CEP72: variants seen among roughly 807,000 people sequenced by gnomAD.
CEP72 encodes the protein centrosomal protein 72, also known as centrosomal protein of 72 kDa.
A neutral mutation model predicts 65.7 loss-of-function variants in CEP72; 78 were observed. The observed-to-expected ratio is 1.19, with a 90% confidence interval of 0.99 to 1.43. The LOEUF is 1.43. CEP72 is among the 40% of genes most tolerant of loss of function. The pLI is 0.00. For missense variants in CEP72, 914 were observed against 832.9 expected (o/e 1.10, Z -1.20); for synonymous variants, 358 against 351.7 (o/e 1.02, Z -0.20).
chr5:642,872 C>T (rs1042033172), intron 9 of CEP72: 22 of 985,366 alleles, frequency 2.2e-5, no homozygotes, highest in Middle Eastern at 5.2e-4. Flanking sequence ...CACGTGAGGA[C>T]GCTCATCCCT....
chr5:614,410 G>C (rs1735863004), intron 1 of CEP72, among the ~76,000 whole-genome samples: 1 of 149,250 alleles, frequency 6.7e-6, no homozygotes, highest in Admixed American at 6.7e-5. Context: ...CGTATTTTAA[G>C]AATTTCCCTC....
At chr5:635,663 C>T in intron 6 of CEP72, 79 bp downstream of exon 6, 1 of 1,180,744 alleles carries the variant, frequency 8.5e-7, no homozygotes, top group Non-Finnish European at 1.2e-6. Flanking sequence ...AGAACAGAAG[C>T]TTATGTGGCT....
chr5:643,912 AG>A (rs1738234452), intron 9 of CEP72, among the ~76,000 whole-genome samples: 1 of 152,244 alleles, frequency 6.6e-6, no homozygotes, highest in Admixed American at 6.5e-5. Flanking sequence ...ACTGGCACCA[AG>A]GCCTGGGGCT....
At chr5:626,160 T>C (rs1415695534) in intron 4 of CEP72, among the ~76,000 whole-genome samples, 1 of 152,220 alleles carries the variant, frequency 6.6e-6, no homozygotes, top group African/African-American at 2.4e-5. Flanking sequence ...ATTTTTTACA[T>C]AGAAAATCAT....
At chr5:666,222 AG>A in intron 4 of CEP72, 1 of 1,407,426 alleles carries the variant, frequency 7.1e-7, no homozygotes, top group African/African-American at 1.4e-5. Flanking sequence ...ATGGCCCAGC[AG>A]CCCACAGGCT....
intron 11 of CEP72, among the ~76,000 whole-genome samples, chr5:648,583 T>G (rs1738607860): frequency 7.2e-6 from 1 of 138,716 alleles, no homozygotes; most frequent in Admixed American, 7.2e-5. Context: ...GGTGTGACTG[T>G]GAGGTGTGAC....
intron 4 of CEP72, 110 bp from the exon 5 acceptor site, chr5:633,659 G>A: frequency 9.5e-7 from 1 of 1,051,382 alleles, no homozygotes; most frequent in Non-Finnish European, 1.4e-6. Flanking sequence ...CACGTTTGCA[G>A]CACGCTGCTT....
chr5:653,189 C>T lies in CEP72; in HGVS notation c.*36C>T, dbSNP rs1739226197. The T allele has an allele frequency of 6.5e-7, 1 of 1,545,706 alleles. No individual in the cohort carries two copies. Among genetic ancestry groups the T allele is most frequent in the Non-Finnish European group, 8.7e-7 (1 of 1,150,802 alleles). On this transcript the variant is annotated 3_prime_UTR_variant, in exon 12 of 12. Coordinates refer to ENST00000264935, the MANE Select transcript of CEP72 (RefSeq NM_018140.4). ...GAAGCTGGGCCACCCCTTAAGCTTC[C>T]TGGTAAAGTTACATTGTCTGCACCT...
chr5:642,576 G>C (rs1738129530), intron 9 of CEP72: 2 of 985,382 alleles, frequency 2.0e-6, no homozygotes, highest in African/African-American at 3.5e-5. Context: ...GCTGCCAGGG[G>C]TGAGAGTCAC....
At chr5:625,016 T>C (rs988331145) in intron 4 of CEP72, among the ~76,000 whole-genome samples, 1 of 152,156 alleles carries the variant, frequency 6.6e-6, no homozygotes, top group Non-Finnish European at 1.5e-5. Context: ...TCCCCCACCC[T>C]TTCTGTGACG....
intron 11 of CEP72, among the ~76,000 whole-genome samples, chr5:652,472 G>A (rs997573843): frequency 3.3e-5 from 5 of 152,190 alleles, no homozygotes; most frequent in African/African-American, 9.7e-5. Context: ...ATTTGGAGGT[G>A]ACAAAGTGGG....
At chr5:637,238 G>A (rs1394282505) in intron 6 of CEP72, among the ~76,000 whole-genome samples, 3 of 152,230 alleles carry the variant, frequency 2.0e-5, no homozygotes, top group Non-Finnish European at 4.4e-5. Flanking sequence ...TGGGCGGTCC[G>A]TGTCTGCTTC....
chr5:661,009 T>G (rs1278899513), downstream of CEP72: 2 of 152,272 alleles, frequency 1.3e-5, no homozygotes, highest in African/African-American at 4.8e-5. Context: ...ATTTTAAACA[T>G]ATAATTTGAA....
At chr5:673,249 G>T in the CEP72 span, among the ~76,000 whole-genome samples, 1 of 152,206 alleles carries the variant, frequency 6.6e-6, no homozygotes, top group Non-Finnish European at 1.5e-5. Flanking sequence ...TGGTGGCCCT[G>T]CTCCTCTCTC....
chr5:644,389 G>A lies in CEP72; in HGVS notation c.1630G>A (p.Ala544Thr), dbSNP rs1433088479. 5 of 1,613,814 alleles carry A rather than the reference G, an allele frequency of 3.1e-6. No homozygotes were observed. The highest frequency in any genetic ancestry group is 4.2e-6 in the Non-Finnish European group (5 of 1,179,954). ...GAGTATGAAAAAGGAAGTGAAGAGTGCAGACACTGCAGCCACGTTAAATTT... is the reference window on the plus strand; with the variant it reads ...GAGTATGAAAAAGGAAGTGAAGAGTACAGACACTGCAGCCACGTTAAATTT... The part of the protein sequence containing the change: ...LLSMKKEVKS[A>T]DTAATLNLQI... The change falls in exon 10 of 12, where the codon GCA becomes ACA. Residue 544 changes from alanine (A) to threonine (T), a missense_variant. Ala to Thr is a moderately conservative substitution (Grantham distance 58, BLOSUM62 0). Transcript: ENST00000264935.
intron 9 of CEP72, chr5:640,948 C>A: frequency 1.0e-6 from 1 of 985,474 alleles, no homozygotes; most frequent in Non-Finnish European, 1.2e-6. Context: ...CTGGGGAAAA[C>A]CGAGGCCACT....
At chr5:666,628 C>T (rs895195475) in intron 4 of CEP72, among the ~76,000 whole-genome samples, 1 of 151,428 alleles carries the variant, frequency 6.6e-6, no homozygotes, top group Non-Finnish European at 1.5e-5. Flanking sequence ...GCTCCAAAAC[C>T]CGCCAGGCGG....
chr5:613,004 C>A (rs1002650957), intron 1 of CEP72, among the ~76,000 whole-genome samples: 1 of 152,154 alleles, frequency 6.6e-6, no homozygotes, highest in Non-Finnish European at 1.5e-5. Flanking sequence ...TCCAGTGAAA[C>A]CATATGGACA....
intron 4 of CEP72, chr5:666,275 C>T (rs1561080522): frequency 2.3e-6 from 2 of 860,512 alleles, no homozygotes; most frequent in South Asian, 1.8e-5. Context: ...CAAATCCAAA[C>T]TGTCTTGGAA....
Sources: gnomAD v4.1 joint callset for allele counts (sites outside exome capture counted in the v4.1 genomes callset) on GRCh38, gnomAD v4.1.1 for gene constraint, MANE v1.5 for transcripts, NCBI Gene and HGNC (gene_info 2026-07-23, HGNC 2026-07-21) for gene names.